Variants in PRRC2C observed in about 807,000 individuals in gnomAD.
PRRC2C encodes the protein protein PRRC2C.
In PRRC2C, 72 loss-of-function variants were observed where a neutral mutation model predicts 317.2. That is an observed-to-expected ratio of 0.23 (90% CI 0.19 to 0.28). PRRC2C has a LOEUF of 0.28. Among genes scored for constraint, PRRC2C ranks in the 10% least tolerant of loss-of-function variants. PRRC2C has a pLI of 1.00. For synonymous variants in PRRC2C, 1,296 were observed against 1,205.9 expected, an observed-to-expected ratio of 1.07 and a Z score of -1.55; for missense variants, 3,074 against 3,459.7, an observed-to-expected ratio of 0.89 and a Z score of 2.80.
At chr1:171,573,562 T>C (rs1685145020) in intron 24 of PRRC2C, among the ~76,000 whole-genome samples, 1 of 152,074 alleles carries the variant, frequency 6.6e-6, no homozygotes, top group Non-Finnish European at 1.5e-5. Flanking sequence ...AATATAAAAG[T>C]TCTGTATTTT....
Position 171,523,507 on chromosome 1 carries a change from C to T in PRRC2C, c.1040C>T (p.Pro347Leu). The change falls in exon 9 of 35, where the codon CCT (proline) becomes CTT (leucine). Residue 347 changes from proline (P) to leucine (L), a missense_variant. Coordinates refer to ENST00000647382, the MANE Select transcript of PRRC2C (RefSeq NM_001387844.1). The part of the protein sequence containing the change: ...SDDDEQGSNS[P>L]KENNSEDQGS... ...GATGATGAACAAGGAAGTAACAGTCCTAAAGAGAATAACAGGTAAGTTGTG... is the reference window on the plus strand; with the variant it reads ...GATGATGAACAAGGAAGTAACAGTCTTAAAGAGAATAACAGGTAAGTTGTG... 2 of 1,609,732 alleles carry T rather than the reference C, an allele frequency of 1.2e-6. No homozygotes were observed. Among genetic ancestry groups the T allele is most frequent in the Non-Finnish European group, 1.7e-6 (2 of 1,177,940 alleles).
Position 171,545,755 on chromosome 1 carries a change from T to C in PRRC2C, c.4972+68T>C, listed in dbSNP as rs1391859991. 4.7e-6 allele frequency: 5 copies of C among 1,064,870 alleles called. No homozygotes were observed. The African/African-American group carries it at 8.4e-5, about 18-fold the overall frequency. The allele number at this position is 1,064,870 out of a possible 1,614,324, so 66.0% of individuals were successfully genotyped here. On this transcript the variant is annotated intron_variant, in intron 17 of 34. Coordinates refer to ENST00000647382, the MANE Select transcript of PRRC2C (RefSeq NM_001387844.1). ...TTTATTTATTTATTTATTTGCTACA[T>C]TTTAAAATGTAGATGCCACAATTAA...
intron 1 of PRRC2C, among the ~76,000 whole-genome samples, chr1:171,488,216 A>G (rs1048679804): frequency 1.3e-5 from 2 of 152,242 alleles, no homozygotes; most frequent in Non-Finnish European, 2.9e-5. Context: ...AAAATGTTAC[A>G]TAAGTTAGTA....
At chr1:171,489,640 T>C (rs1447594808) in intron 1 of PRRC2C, among the ~76,000 whole-genome samples, 1 of 152,232 alleles carries the variant, frequency 6.6e-6, no homozygotes, top group Non-Finnish European at 1.5e-5. Flanking sequence ...ACTAAGACTA[T>C]TTTTTGAATG....
At chr1:171,568,789 T>TA (rs1338758951) in intron 23 of PRRC2C, among the ~76,000 whole-genome samples, 1 of 151,972 alleles carries the variant, frequency 6.6e-6, no homozygotes, top group Non-Finnish European at 1.5e-5. Flanking sequence ...AGTATGTCTT[T>TA]AAAAAAGAAA....
At chr1:171,511,935 A>T (rs896562032) in intron 1 of PRRC2C, 97 bp from the exon 2 acceptor site, 11 of 507,054 alleles carry the variant, frequency 2.2e-5, no homozygotes, top group Non-Finnish European at 1.5e-5. Flanking sequence ...GTTCTATGAA[A>T]TTATCATTGA....
chr1:171,495,077 G>T lies in PRRC2C; in HGVS notation c.-58+9342G>T, dbSNP rs185283006. ...AACAGTTTTTCCTTTGCATTCAGTC[G>T]TTTGTTAATGTTTGTCTTCATGAAG... On this transcript the variant is annotated intron_variant, in intron 1 of 34. Coordinates refer to ENST00000647382, the MANE Select transcript of PRRC2C (RefSeq NM_001387844.1). 1.6e-4 allele frequency among the ~76,000 whole-genome samples: 24 copies of T among 152,218 alleles called. No homozygotes were observed. In the East Asian group the frequency reaches 4.4e-3, roughly 28 times the overall value.
rs573284427 is a variant in PRRC2C at position 171,554,684 on chromosome 1, T to C, written c.5128-2556T>C. 3.7e-4 allele frequency among the ~76,000 whole-genome samples: 56 copies of C among 152,306 alleles called. 1 individual carries two copies. In the South Asian group the frequency reaches 0.011, roughly 30 times the overall value. ...GTTGACAAAATCTCTCAGCATTTGC[T>C]TGTCTGTAAAGGATTTTATTTCTCC... On this transcript the variant is annotated intron_variant, in intron 18 of 34. Transcript: ENST00000647382.
chr1:171,503,896 TC>T (rs1553205424), intron 1 of PRRC2C, among the ~76,000 whole-genome samples: 1 of 152,122 alleles, frequency 6.6e-6, no homozygotes, highest in Non-Finnish European at 1.5e-5. Flanking sequence ...CAGGGAAACT[TC>T]CCTTTATAAA....
chr1:171,522,135 AG>A, intron 6 of PRRC2C, 41 bp from the exon 7 acceptor site: 1 of 1,107,772 alleles, frequency 9.0e-7, no homozygotes. Flanking sequence ...TAAAATAACT[AG>A]GTTGCTAAAT....
chr1:171,567,520 G>C (rs1345332396), intron 22 of PRRC2C, among the ~76,000 whole-genome samples: 1 of 152,110 alleles, frequency 6.6e-6, no homozygotes, highest in Non-Finnish European at 1.5e-5. Flanking sequence ...ATTCATATAA[G>C]TAATAGCTTA....
At position 171,557,618 on chromosome 1, in the gene PRRC2C, C is replaced by T. The variant is rs1336250132; in HGVS notation, c.5506C>T (p.Pro1836Ser). 3.9e-6 allele frequency: 6 copies of T among 1,551,638 alleles called. No homozygotes were observed. The highest frequency in any genetic ancestry group is 5.2e-6 in the Non-Finnish European group (6 of 1,146,976). ...SAAAITSSSA[P>S]ASAPAPTPIL... is the part of the protein sequence containing the mutation. ...TGCAGCTATAACCTCTTCTTCAGCTCCAGCCTCAGCCCCAGCTCCAACCCC... is the reference window on the plus strand; with the variant it reads ...TGCAGCTATAACCTCTTCTTCAGCTTCAGCCTCAGCCCCAGCTCCAACCCC... Residue 1836 changes from proline to serine, a missense_variant, in exon 19 of 35, where the codon CCA (proline) becomes TCA (serine). Pro to Ser is a moderately conservative substitution (Grantham distance 74). Around this residue, in one of 11 missense-constraint regions of PRRC2C, gnomAD observed 640 missense variants for 676.1 expected, o/e 0.95. Coordinates refer to ENST00000647382, the MANE Select transcript of PRRC2C (RefSeq NM_001387844.1).
chr1:171,562,144 A>T (rs1212593387), intron 20 of PRRC2C, among the ~76,000 whole-genome samples: 1 of 152,236 alleles, frequency 6.6e-6, no homozygotes, highest in Non-Finnish European at 1.5e-5. Flanking sequence ...TAAAGACTTG[A>T]AGGATATAAG....
At position 171,512,989 on chromosome 1, in the gene PRRC2C, C is replaced by T; in HGVS notation, c.113-6C>T. On this transcript the variant is annotated splice_polypyrimidine_tract_variant and splice_region_variant and intron_variant, in intron 2 of 34. Coordinates refer to ENST00000647382, the MANE Select transcript of PRRC2C (RefSeq NM_001387844.1). ...TTCTAAGAAAGTTGATGTTATTGAT[C>T]TTTAGTTGCAGCTCGACATGGATTA... 4.4e-6 allele frequency: 7 copies of T among 1,594,676 alleles called. No individual in the cohort carries two copies. The highest frequency in any genetic ancestry group is 6.0e-6 in the Non-Finnish European group (7 of 1,172,062).
intron 18 of PRRC2C, among the ~76,000 whole-genome samples, chr1:171,554,368 C>T (rs540234052): frequency 2.6e-5 from 4 of 152,218 alleles, no homozygotes; most frequent in Non-Finnish European, 4.4e-5. Context: ...TGTCTCTGTA[C>T]GTGAGATGGG....
At position 171,501,207 on chromosome 1, in the gene PRRC2C, C is replaced by T. The variant is rs557456236; in HGVS notation, c.-57-10825C>T. On this transcript the variant is annotated intron_variant, in intron 1 of 34. Coordinates refer to ENST00000647382, the MANE Select transcript of PRRC2C (RefSeq NM_001387844.1). ...GCTACTGTGTGAACAGGGTTCACTA[C>T]AGCTTTGACCTCCTGGACTCAAAGC... Among the ~76,000 whole-genome samples the T allele has an allele frequency of 7.9e-5, 12 of 151,558 alleles. No individual in the cohort carries two copies. In the East Asian group the frequency reaches 2.4e-3, roughly 30 times the overall value.
intron 30 of PRRC2C, among the ~76,000 whole-genome samples, chr1:171,585,513 A>T (rs77885622): frequency 6.6e-6 from 1 of 152,172 alleles, no homozygotes; most frequent in African/African-American, 2.4e-5. Context: ...GTGATAATTC[A>T]TGAATATCTT....
chr1:171,577,679 A>G (rs1336478825), intron 26 of PRRC2C, 42 bp downstream of exon 26: 2 of 1,549,530 alleles, frequency 1.3e-6, no homozygotes, highest in South Asian at 1.1e-5. Flanking sequence ...TAGAAAATGA[A>G]GACTTACTAA....
At chr1:171,529,554 T>G (rs1019170712) in intron 11 of PRRC2C, among the ~76,000 whole-genome samples, 3 of 152,250 alleles carry the variant, frequency 2.0e-5, no homozygotes, top group Non-Finnish European at 4.4e-5. Context: ...ATCAGCAGAT[T>G]GTCACCTGTA....
Sources: gnomAD v4.1 joint callset for allele counts (sites outside exome capture counted in the v4.1 genomes callset) on GRCh38, gnomAD v4.1.1 for gene constraint, gnomAD v4.1.1 regional missense constraint, MANE v1.5 for transcripts, NCBI Gene and HGNC (gene_info 2026-07-23, HGNC 2026-07-21) for gene names.